GRIN3A: variants seen among roughly 807,000 people sequenced by gnomAD.
The protein encoded by GRIN3A is glutamate ionotropic receptor NMDA type subunit 3A, also known as glutamate receptor ionotropic, NMDA 3A.
Under a neutral mutation model 92.4 loss-of-function variants are expected in GRIN3A, and 47 were observed. The ratio of observed to expected loss-of-function variants is 0.51; its 90% CI spans 0.40 to 0.65. The LOEUF (loss-of-function observed/expected upper bound fraction) is 0.65, where lower values mean the gene tolerates loss of function less well. GRIN3A is among the 30% of genes least tolerant of loss of function. The pLI, the probability that GRIN3A is intolerant of heterozygous loss-of-function variation, is 0.00. For synonymous variants in GRIN3A, 527 were observed against 540.6 expected (o/e 0.97, Z 0.35); for missense variants, 1,324 against 1,393.1 (o/e 0.95, Z 0.79).
intron 3 of GRIN3A, among the ~76,000 whole-genome samples, chr9:101,634,925 G>T (rs936310203): frequency 7.9e-5 from 12 of 152,188 alleles, no homozygotes; most frequent in African/African-American, 2.9e-4. Context: ...TATTACTCAT[G>T]CTCTGAATAT....
chr9:101,617,027 C>T lies in GRIN3A; in HGVS notation c.2615-3500G>A, dbSNP rs983750828. 3.3e-5 allele frequency among the ~76,000 whole-genome samples: 5 copies of T among 150,382 alleles called. No homozygotes were observed. In the South Asian group the frequency reaches 6.3e-4, roughly 19 times the overall value. ...CATCCTGACTAACACGGTGAAACCC[C>T]GTCTCTACTAAAAATACAAAAAATT... On this transcript the variant is annotated intron_variant, in intron 5 of 8. Transcript: ENST00000361820.
intron 6 of GRIN3A, among the ~76,000 whole-genome samples, chr9:101,605,546 C>T (rs1306013384): frequency 3.3e-5 from 5 of 152,128 alleles, no homozygotes; most frequent in African/African-American, 7.2e-5. Context: ...TCACTCCATC[C>T]GTGCCCTATG....
At chr9:101,675,540 G>A (rs567846374) in intron 2 of GRIN3A, among the ~76,000 whole-genome samples, 1 of 152,028 alleles carries the variant, frequency 6.6e-6, no homozygotes, top group South Asian at 2.1e-4. Flanking sequence ...CCTAGGTGCT[G>A]GGGGTGTAGT....
At chr9:101,685,448 G>A (rs893997197) in intron 2 of GRIN3A, among the ~76,000 whole-genome samples, 1 of 151,568 alleles carries the variant, frequency 6.6e-6, no homozygotes, top group African/African-American at 2.4e-5. Context: ...CTAAAAACAG[G>A]GCCTAGTCTA....
intron 5 of GRIN3A, among the ~76,000 whole-genome samples, chr9:101,618,406 G>C (rs558853993): frequency 4.6e-5 from 7 of 152,076 alleles, no homozygotes; most frequent in Admixed American, 3.3e-4. Context: ...AGACACTTCT[G>C]AAAAGAAGAC....
At chr9:101,601,621 A>G (rs28628555) in intron 6 of GRIN3A, among the ~76,000 whole-genome samples, 22,822 of 152,148 alleles carry the variant, frequency 0.15, 1,860 homozygotes, top group East Asian at 0.26. Context: ...TGGCAGGGTC[A>G]TGCTCCCTTT....
chr9:101,716,084 T>C lies in GRIN3A; in HGVS notation c.699+21197A>G, dbSNP rs984021317. ...AAGTCCATTTATTTAGCAACTTTTT[T>C]CGCATGGAATTTGGAAACACTAAAG... On this transcript the variant is annotated intron_variant, in intron 1 of 8. Transcript: ENST00000361820. 2.6e-5 allele frequency among the ~76,000 whole-genome samples: 4 copies of C among 152,082 alleles called. No homozygotes were observed. In the South Asian group the frequency reaches 8.3e-4, roughly 32 times the overall value.
At chr9:101,641,687 G>T (rs919535661) in intron 3 of GRIN3A, among the ~76,000 whole-genome samples, 1 of 151,610 alleles carries the variant, frequency 6.6e-6, no homozygotes, top group African/African-American at 2.4e-5. Context: ...GCTAAATGAC[G>T]AGTTAATGGG....
chr9:101,576,555 A>G (rs144895587), intron 8 of GRIN3A, among the ~76,000 whole-genome samples: 7 of 152,324 alleles, frequency 4.6e-5, no homozygotes, highest in East Asian at 3.9e-4. Context: ...TCCTGTTTCT[A>G]TTATAGCTGG....
intron 1 of GRIN3A, among the ~76,000 whole-genome samples, chr9:101,730,822 A>C (rs942487609): frequency 8.5e-5 from 13 of 152,130 alleles, no homozygotes; most frequent in African/African-American, 2.9e-4. Flanking sequence ...AGAAAGTATA[A>C]AGACAACTTA....
chr9:101,643,520 G>A (rs1160232356), intron 3 of GRIN3A, among the ~76,000 whole-genome samples: 2 of 151,348 alleles, frequency 1.3e-5, no homozygotes, highest in East Asian at 3.9e-4. Context: ...AAATAGAACT[G>A]CTATATGATC....
chr9:101,642,835 A>G (rs10819961), intron 3 of GRIN3A, among the ~76,000 whole-genome samples: 29,283 of 152,090 alleles, frequency 0.19, 3,186 homozygotes, highest in Non-Finnish European at 0.25. Flanking sequence ...TGAGAATCTA[A>G]TGATTCTGTT....
chr9:101,595,873 T>C (rs549265913), intron 6 of GRIN3A, among the ~76,000 whole-genome samples: 1 of 152,348 alleles, frequency 6.6e-6, no homozygotes, highest in African/African-American at 2.4e-5. Flanking sequence ...CAAAGAAGCC[T>C]TTTGTGTGTG....
chr9:101,694,181 A>G (rs1829653193), intron 1 of GRIN3A, among the ~76,000 whole-genome samples: 1 of 152,224 alleles, frequency 6.6e-6, no homozygotes, highest in Non-Finnish European at 1.5e-5. Context: ...ACTTCTTAAA[A>G]TAGAGTATAC....
chr9:101,592,942 A>G (rs1828053441), intron 6 of GRIN3A: 2 of 152,140 alleles, frequency 1.3e-5, no homozygotes, highest in Non-Finnish European at 2.9e-5. Context: ...TAAGCATCTT[A>G]TATGGGAAGT....
chr9:101,652,715 C>T (rs1248773273), intron 3 of GRIN3A, among the ~76,000 whole-genome samples: 1 of 151,994 alleles, frequency 6.6e-6, no homozygotes, highest in African/African-American at 2.4e-5. Flanking sequence ...TTCACATTTT[C>T]CTTTGAGGAA....
At chr9:101,614,501 C>T (rs1211261540) in intron 5 of GRIN3A, among the ~76,000 whole-genome samples, 1 of 150,520 alleles carries the variant, frequency 6.6e-6, no homozygotes, top group East Asian at 2.0e-4. Flanking sequence ...TGAAAAAGGT[C>T]AGTGTCAGAA....
chr9:101,737,901 C>T lies in GRIN3A; in HGVS notation c.79G>A (p.Gly27Arg). Residue 27 changes from glycine (G) to arginine (R), a missense_variant, in exon 1 of 9, where the codon GGG becomes AGG. Coordinates refer to ENST00000361820, the MANE Select transcript of GRIN3A (RefSeq NM_133445.3). The stretch of plus-strand genomic sequence containing the variant: ...GGGTGCGAGGAGGAGCTGGGCACCC[C>T]GGCCAGCACCAGTGCGCAGGGCGGC... The part of the protein sequence containing the change: ...LPPPCALVLA[G>R]VPSSSSHPQP... 1 of 1,534,936 alleles carries T rather than the reference C, an allele frequency of 6.5e-7. No individual in the cohort carries two copies. The highest frequency in any genetic ancestry group is 1.4e-5 in the African/African-American group (1 of 73,214).
chr9:101,680,886 G>C (rs1369867635), intron 2 of GRIN3A, among the ~76,000 whole-genome samples: 1 of 152,196 alleles, frequency 6.6e-6, no homozygotes, highest in Non-Finnish European at 1.5e-5. Context: ...GTTCAAAGAA[G>C]AAAAGGAGGA....
Sources: allele counts gnomAD v4.1 joint callset (sites outside exome capture counted in the v4.1 genomes callset), GRCh38; gene constraint gnomAD v4.1.1; transcripts MANE v1.5; gene names NCBI Gene and HGNC (gene_info 2026-07-23, HGNC 2026-07-21).